Variants in GAS2 observed in about 807,000 individuals in gnomAD.
The protein encoded by GAS2 is growth arrest specific 2.
In GAS2, 20 loss-of-function variants were observed where a neutral mutation model predicts 37.5. That is an observed-to-expected ratio of 0.53 (90% CI 0.37 to 0.77). The LOEUF is 0.77. GAS2 is among the 30% of genes least tolerant of loss of function. GAS2 has a pLI of 0.00. For synonymous variants in GAS2, 144 were observed against 132.2 expected (o/e 1.09, Z -0.61); for missense variants, 336 against 373.4 (o/e 0.90, Z 0.82).
chr11:22,715,524 C>T (rs938956979), intron 3 of GAS2, among the ~76,000 whole-genome samples: 37 of 147,510 alleles, frequency 2.5e-4, no homozygotes, highest in African/African-American at 8.5e-4. Flanking sequence ...ATATTACATT[C>T]GATAACACAG....
chr11:22,629,275 G>C (rs930141877), intron 1 of GAS2, among the ~76,000 whole-genome samples: 2 of 152,118 alleles, frequency 1.3e-5, no homozygotes, highest in African/African-American at 4.8e-5. Context: ...ATACTGGTTT[G>C]CATTCCCACC....
chr11:22,665,820 G>A (rs1848975129), upstream of GAS2, among the ~76,000 whole-genome samples: 1 of 152,130 alleles, frequency 6.6e-6, no homozygotes, highest in Non-Finnish European at 1.5e-5. Flanking sequence ...GGATGTACAG[G>A]TAGTTTCTAT....
chr11:22,665,416 T>G (rs888888683), upstream of GAS2, among the ~76,000 whole-genome samples: 1 of 152,158 alleles, frequency 6.6e-6, no homozygotes, highest in African/African-American at 2.4e-5. Context: ...CTGATCACAT[T>G]TTAAGAAATT....
At chr11:22,645,680 A>G (rs1212015441) in intron 1 of GAS2, among the ~76,000 whole-genome samples, 1 of 151,780 alleles carries the variant, frequency 6.6e-6, no homozygotes, top group African/African-American at 2.4e-5. Context: ...ATAATTCCAA[A>G]TAAATAAAGA....
intron 1 of GAS2, among the ~76,000 whole-genome samples, chr11:22,640,919 C>A (rs980246781): frequency 6.6e-6 from 1 of 151,990 alleles, no homozygotes; most frequent in African/African-American, 2.4e-5. Flanking sequence ...ATTAGTGTGT[C>A]CTAAATTTGT....
In GAS2 at chr11:22,811,876, C is replaced by A; in HGVS notation, c.802C>A (p.Pro268Thr). ...TFAGYLLKHDPCRMLQISRVD... is the reference protein window; with the variant it reads ...TFAGYLLKHDTCRMLQISRVD... Reference sequence around the variant, plus strand: ...TGCAGGGTATTTGTTGAAACACGACCCCTGCCGAATGCTGCAGATCTCCCG... The same window carrying A: ...TGCAGGGTATTTGTTGAAACACGACACCTGCCGAATGCTGCAGATCTCCCG... The change falls in exon 8 of 8, where the codon CCC (proline) becomes ACC (threonine). Residue 268 changes from proline (P) to threonine (T), a missense_variant. Physicochemically the swap from Pro to Thr is conservative, Grantham distance 38. Transcript: ENST00000454584. 6.2e-7 allele frequency: 1 copy of A among 1,614,070 alleles called. No homozygotes were observed. The highest frequency in any genetic ancestry group is 1.1e-5 in the South Asian group (1 of 91,084).
chr11:22,803,676 C>T (rs1374188875), intron 7 of GAS2, among the ~76,000 whole-genome samples: 1 of 152,022 alleles, frequency 6.6e-6, no homozygotes, highest in Admixed American at 6.6e-5. Flanking sequence ...AAAGTAGGTA[C>T]AACCTGTGGA....
Position 22,685,668 on chromosome 11 carries a change from G to T in GAS2, c.146G>T (p.Gly49Val), listed in dbSNP as rs1255287335. The T allele has an allele frequency of 1.2e-6, 2 of 1,609,548 alleles. No individual in the cohort carries two copies. The highest frequency in any genetic ancestry group is 1.7e-6 in the Non-Finnish European group (2 of 1,178,224). ...ATAATGCTTCTTTTTGTTATTTCAG[G>T]GAAGGAGATTACAGCAGAAACTTTT... ...DLALWLTNLL[G>V]KEITAETFME... Residue 49 changes from glycine to valine, a missense_variant and splice_region_variant, in exon 3 of 8, where the codon GGG becomes GTG. Transcript: ENST00000454584.
intron 7 of GAS2, among the ~76,000 whole-genome samples, chr11:22,802,901 A>G (rs1396343547): frequency 2.6e-5 from 4 of 152,196 alleles, no homozygotes; most frequent in Admixed American, 2.0e-4. Flanking sequence ...ATAATTGCCT[A>G]TGTATTCAGT....
In GAS2 at chr11:22,754,704, A is replaced by T. The variant is rs149975893; in HGVS notation, c.616-1142A>T. Among the ~76,000 whole-genome samples, 82 of 152,164 alleles carry T rather than the reference A, an allele frequency of 5.4e-4. 1 individual carries two copies. In the East Asian group the frequency reaches 0.015, roughly 28 times the overall value. On this transcript the variant is annotated intron_variant, in intron 6 of 7. Transcript: ENST00000454584. ...ACAAGTTGTTTAATTCCTTTACATT[A>T]ACATTCAATTGAGTTCATGTTTTAC...
intron 1 of GAS2, among the ~76,000 whole-genome samples, chr11:22,652,535 C>T (rs1428701909): frequency 6.6e-6 from 1 of 152,204 alleles, no homozygotes; most frequent in East Asian, 1.9e-4. Flanking sequence ...TGCCGCCTTG[C>T]AGTTTGATCT....
At chr11:22,810,303 G>A (rs1857090877) in intron 7 of GAS2, among the ~76,000 whole-genome samples, 1 of 152,092 alleles carries the variant, frequency 6.6e-6, no homozygotes, top group Non-Finnish European at 1.5e-5. Context: ...GGGGTCTCAT[G>A]TCTCATTGTC....
intron 3 of GAS2, among the ~76,000 whole-genome samples, chr11:22,693,664 G>C (rs1236573856): frequency 6.6e-6 from 1 of 152,160 alleles, no homozygotes; most frequent in Admixed American, 6.5e-5. Context: ...TCTAATGTTT[G>C]CAAAAGTGTA....
At chr11:22,793,422 A>ATG (rs1856273302) in intron 7 of GAS2, among the ~76,000 whole-genome samples, 1 of 152,220 alleles carries the variant, frequency 6.6e-6, no homozygotes, top group African/African-American at 2.4e-5. Context: ...TATGAACATT[A>ATG]AAGCTTTGAA....
At chr11:22,672,939 G>T (rs1271869384) in intron 1 of GAS2, among the ~76,000 whole-genome samples, 2 of 151,970 alleles carry the variant, frequency 1.3e-5, no homozygotes, top group Non-Finnish European at 2.9e-5. Flanking sequence ...AAAAAGTGGT[G>T]TTCTGATTCC....
chr11:22,642,061 G>A (rs1267377550), intron 1 of GAS2, among the ~76,000 whole-genome samples: 2 of 152,218 alleles, frequency 1.3e-5, no homozygotes, highest in African/African-American at 4.8e-5. Context: ...AAGGGAGAGA[G>A]TGTGTGTTCA....
chr11:22,646,339 T>C (rs1329859013), intron 1 of GAS2, among the ~76,000 whole-genome samples: 2 of 152,232 alleles, frequency 1.3e-5, no homozygotes, highest in Non-Finnish European at 2.9e-5. Context: ...ACTTGATGTC[T>C]TTACAGTGTG....
At position 22,806,106 on chromosome 11, in the gene GAS2, G is replaced by A. The variant is rs145331116; in HGVS notation, c.724-5692G>A. The stretch of plus-strand genomic sequence containing the variant: ...TAGAATGCCTTAACCATCTGGGAAT[G>A]CAGCCCAGTAGGTCTCAGCCTCATT... On this transcript the variant is annotated intron_variant, in intron 7 of 7. Coordinates refer to ENST00000454584, the MANE Select transcript of GAS2 (RefSeq NM_001143830.3). 5.3e-3 allele frequency among the ~76,000 whole-genome samples: 808 copies of A among 152,204 alleles called. 13 individuals are homozygous for A. Among genetic ancestry groups the A allele is most frequent in the East Asian group, 0.039 (200 of 5,164 alleles).
At chr11:22,789,454 A>ATATATATATATATATATTTT (rs1564889924) in intron 7 of GAS2, among the ~76,000 whole-genome samples, 1 of 61,214 alleles carries the variant, frequency 1.6e-5, no homozygotes, top group African/African-American at 5.6e-5. Context: ...ATATATATAT[A>ATATATATATATATATATTTT]TTCTTTTTTT....
Sources: allele counts gnomAD v4.1 joint callset (sites outside exome capture counted in the v4.1 genomes callset), GRCh38; gene constraint gnomAD v4.1.1; transcripts MANE v1.5; gene names NCBI Gene and HGNC (gene_info 2026-07-23, HGNC 2026-07-21).